Variants in PLCB1 observed in about 807,000 individuals in gnomAD.
PLCB1 encodes the protein phospholipase C beta 1.
PLCB1 carries 46 observed loss-of-function variants against 161.8 expected under a neutral mutation model. The ratio of observed to expected loss-of-function variants is 0.28; its 90% confidence interval spans 0.22 to 0.36. The LOEUF (loss-of-function observed/expected upper bound fraction) is 0.36. Among genes scored for constraint, PLCB1 ranks in the 10% least tolerant of loss-of-function variants. The pLI, the probability that PLCB1 is intolerant of heterozygous loss-of-function variation, is 1.00. For missense variants in PLCB1, 1,016 were observed against 1,472.5 expected, an observed-to-expected ratio of 0.69 and a Z score of 5.07; for synonymous variants, 517 against 503.7, an observed-to-expected ratio of 1.03 and a Z score of -0.35.
intron 31 of PLCB1, among the ~76,000 whole-genome samples, chr20:8,810,892 C>A (rs748631617): frequency 6.6e-5 from 10 of 152,162 alleles, no homozygotes; most frequent in Non-Finnish European, 8.8e-5. Context: ...CTTGAACCTG[C>A]GAGGTCAAGG....
At chr20:8,491,254 C>T (rs1982934325) in intron 3 of PLCB1, among the ~76,000 whole-genome samples, 1 of 151,876 alleles carries the variant, frequency 6.6e-6, no homozygotes, top group African/African-American at 2.4e-5. Context: ...TCTTCATTTA[C>T]TTAGTTTTTA....
intron 7 of PLCB1, among the ~76,000 whole-genome samples, chr20:8,651,161 G>A (rs189786935): frequency 1.3e-5 from 2 of 152,182 alleles, no homozygotes. Context: ...TTTACCTAAG[G>A]GTAACATGAC....
At chr20:8,685,545 G>A (rs1214174065) in intron 10 of PLCB1, among the ~76,000 whole-genome samples, 5 of 125,804 alleles carry the variant, frequency 4.0e-5, no homozygotes, top group East Asian at 2.4e-4. Flanking sequence ...TCAATATGGC[G>A]AAACCCCTGT....
chr20:8,217,738 G>A (rs1167800387), intron 2 of PLCB1, among the ~76,000 whole-genome samples: 2 of 152,134 alleles, frequency 1.3e-5, no homozygotes, highest in African/African-American at 2.4e-5. Flanking sequence ...CTTTTCAGAG[G>A]TGATTAGGTC....
intron 3 of PLCB1, among the ~76,000 whole-genome samples, chr20:8,440,938 T>C (rs933032711): frequency 6.6e-6 from 1 of 152,058 alleles, no homozygotes; most frequent in African/African-American, 2.4e-5. Flanking sequence ...AATTATTATG[T>C]GTCAATTTAA....
intron 26 of PLCB1, among the ~76,000 whole-genome samples, chr20:8,773,028 A>G (rs4816079): frequency 0.064 from 9,736 of 152,332 alleles, 428 homozygotes; most frequent in South Asian, 0.18. Context: ...GGAGCCTTAT[A>G]GAATGTCCGT....
chr20:8,694,848 G>C (rs1262899871), intron 10 of PLCB1, among the ~76,000 whole-genome samples: 1 of 152,148 alleles, frequency 6.6e-6, no homozygotes, highest in Non-Finnish European at 1.5e-5. Flanking sequence ...ATTTTCTGCA[G>C]GAGCAAGCAT....
chr20:8,830,013 C>G (rs1461366997), intron 31 of PLCB1, among the ~76,000 whole-genome samples: 1 of 152,180 alleles, frequency 6.6e-6, no homozygotes, highest in Non-Finnish European at 1.5e-5. Context: ...AAAGTACTTA[C>G]ACTACCAGTG....
chr20:8,441,767 G>C (rs1372593280), intron 3 of PLCB1, among the ~76,000 whole-genome samples: 2 of 152,112 alleles, frequency 1.3e-5, no homozygotes, highest in Non-Finnish European at 2.9e-5. Context: ...ATTCTCTTGA[G>C]ATTGTCTTAG....
intron 2 of PLCB1, among the ~76,000 whole-genome samples, chr20:8,237,178 A>G (rs905849452): frequency 1.3e-5 from 2 of 152,116 alleles, no homozygotes; most frequent in African/African-American, 4.8e-5. Context: ...TGCTTGTAGT[A>G]CTGATCAATA....
intron 2 of PLCB1, among the ~76,000 whole-genome samples, chr20:8,207,221 C>T (rs915860897): frequency 6.6e-6 from 1 of 151,992 alleles, no homozygotes; most frequent in African/African-American, 2.4e-5. Flanking sequence ...TTGAAAATAC[C>T]ATCCTACAGG....
intron 26 of PLCB1, among the ~76,000 whole-genome samples, chr20:8,766,367 G>C (rs1982315126): frequency 6.6e-6 from 1 of 152,162 alleles, no homozygotes; most frequent in Non-Finnish European, 1.5e-5. Context: ...TCTGCAATAA[G>C]GTGGCACAGA....
chr20:8,663,141 A>G (rs1989727315), intron 9 of PLCB1, among the ~76,000 whole-genome samples: 1 of 151,976 alleles, frequency 6.6e-6, no homozygotes, highest in African/African-American at 2.4e-5. Flanking sequence ...TGCTAAGCAT[A>G]AGATACACAC....
intron 2 of PLCB1, among the ~76,000 whole-genome samples, chr20:8,188,082 T>C (rs1338992719): frequency 6.6e-6 from 1 of 152,108 alleles, no homozygotes; most frequent in African/African-American, 2.4e-5. Context: ...AAGCTTTGTC[T>C]TAGGCATTTT....
chr20:8,432,851 A>C (rs1980113327), intron 3 of PLCB1, among the ~76,000 whole-genome samples: 2 of 152,340 alleles, frequency 1.3e-5, no homozygotes, highest in Admixed American at 1.3e-4. Context: ...CAGCTGGAGT[A>C]GAAAACATTT....
chr20:8,401,611 C>G (rs1978555290), intron 3 of PLCB1, among the ~76,000 whole-genome samples: 1 of 152,176 alleles, frequency 6.6e-6, no homozygotes, highest in Admixed American at 6.5e-5. Flanking sequence ...TTGCTCAAAC[C>G]ATCTGCTGAA....
chr20:8,309,481 C>T (rs1984293852), intron 2 of PLCB1, among the ~76,000 whole-genome samples: 1 of 152,110 alleles, frequency 6.6e-6, no homozygotes, highest in Non-Finnish European at 1.5e-5. Flanking sequence ...TTTCTTATGA[C>T]TGGAAATAGT....
intron 3 of PLCB1, among the ~76,000 whole-genome samples, chr20:8,379,674 G>A (rs912792694): frequency 7.2e-5 from 11 of 152,222 alleles, no homozygotes; most frequent in Non-Finnish European, 1.6e-4. Flanking sequence ...TCTTACTGTG[G>A]TTTTGATTTG....
chr20:8,667,108 A>G (rs1286253310), intron 9 of PLCB1, among the ~76,000 whole-genome samples: 1 of 152,230 alleles, frequency 6.6e-6, no homozygotes, highest in Non-Finnish European at 1.5e-5. Context: ...GTGAATCAAC[A>G]AAGTCAACAC....
Sources: gnomAD v4.1 joint callset for allele counts (sites outside exome capture counted in the v4.1 genomes callset) on GRCh38, gnomAD v4.1.1 for gene constraint, MANE v1.5 for transcripts, NCBI Gene and HGNC (gene_info 2026-07-23, HGNC 2026-07-21) for gene names.